Variants in FAM184A observed in about 807,000 individuals in gnomAD.
FAM184A encodes family with sequence similarity 184 member A.
In FAM184A, 99 loss-of-function variants were observed where a neutral mutation model predicts 143.8. The ratio of observed to expected loss-of-function variants is 0.69; its 90% CI spans 0.58 to 0.81. The LOEUF (loss-of-function observed/expected upper bound fraction) is 0.81, where lower values mean the gene tolerates loss of function less well. FAM184A is among the 40% of genes least tolerant of loss of function. FAM184A has a pLI of 0.00. For missense variants in FAM184A, 1,217 were observed against 1,310.5 expected, an observed-to-expected ratio of 0.93 and a Z score of 1.10; for synonymous variants, 427 against 446.4, an observed-to-expected ratio of 0.96 and a Z score of 0.55.
intron 1 of FAM184A, among the ~76,000 whole-genome samples, chr6:119,067,551 T>TA (rs1406079525): frequency 6.6e-6 from 1 of 152,246 alleles, no homozygotes; most frequent in African/African-American, 2.4e-5. Flanking sequence ...GTTATAGTGA[T>TA]ATTTGGCTGT....
At chr6:119,044,136 T>C (rs1786441119) in intron 1 of FAM184A, among the ~76,000 whole-genome samples, 1 of 152,210 alleles carries the variant, frequency 6.6e-6, no homozygotes, top group Non-Finnish European at 1.5e-5. Context: ...ATCACACTTT[T>C]ACCACTATTA....
intron 1 of FAM184A, among the ~76,000 whole-genome samples, chr6:119,046,120 G>C (rs1786522507): frequency 6.6e-6 from 1 of 152,040 alleles, no homozygotes; most frequent in African/African-American, 2.4e-5. Context: ...AACCTAATAA[G>C]AGGTTGGATA....
At chr6:118,975,693 A>G (rs1375961783) in intron 12 of FAM184A, among the ~76,000 whole-genome samples, 2 of 152,224 alleles carry the variant, frequency 1.3e-5, no homozygotes, top group African/African-American at 4.8e-5. Flanking sequence ...GTTATCTGAC[A>G]GTTAAGCTCC....
intron 5 of FAM184A, among the ~76,000 whole-genome samples, chr6:119,014,670 A>C (rs2797355): frequency 0.94 from 143,744 of 152,282 alleles, 67,961 homozygotes; most frequent in Non-Finnish European, 0.96. Flanking sequence ...TGTCTTAAAT[A>C]AATTCAATAA....
intron 9 of FAM184A, among the ~76,000 whole-genome samples, chr6:118,999,622 A>G (rs541831407): frequency 4.7e-4 from 71 of 152,258 alleles, no homozygotes; most frequent in African/African-American, 1.7e-3. Flanking sequence ...CCTCAATGAA[A>G]CCTTCCCCAA....
intron 1 of FAM184A, among the ~76,000 whole-genome samples, chr6:119,139,824 G>A (rs1333504415): frequency 6.6e-6 from 1 of 151,784 alleles, no homozygotes; most frequent in Non-Finnish European, 1.5e-5. Flanking sequence ...TTTTTCCTTC[G>A]AGCAAATGAC....
rs1239573053 is a variant in FAM184A at position 119,078,011 on chromosome 6, G to A, written c.159+130C>T. The A allele has an allele frequency of 2.7e-6, 3 of 1,094,752 alleles. No individual in the cohort carries two copies. Among genetic ancestry groups the A allele is most frequent in the Non-Finnish European group, 3.8e-6 (3 of 785,690 alleles). The allele number at this position is 1,094,752 out of a possible 1,614,324, so 67.8% of individuals were successfully genotyped here. On this transcript the variant is annotated intron_variant, in intron 1 of 17. Coordinates refer to ENST00000338891, the MANE Select transcript of FAM184A (RefSeq NM_024581.6). This position sits in a 1 kb window ranked among gnomAD's most constrained non-coding sequence, Gnocchi z 5.5. ...TTTGCAGGGTTTTGGAGGTGTCTCC[G>A]GCTGTTGCTTCGGCGGAGGAGTAGA... is the stretch of plus-strand genomic sequence containing the variant.
At chr6:119,060,279 T>C (rs1198208877) in intron 1 of FAM184A, among the ~76,000 whole-genome samples, 1 of 152,212 alleles carries the variant, frequency 6.6e-6, no homozygotes, top group Non-Finnish European at 1.5e-5. Flanking sequence ...ACAGGGATAC[T>C]GTTTTCTTGC....
chr6:118,973,854 T>G (rs1783769305), intron 14 of FAM184A, among the ~76,000 whole-genome samples: 1 of 152,180 alleles, frequency 6.6e-6, no homozygotes, highest in Admixed American at 6.5e-5. Context: ...ATTTGTAATG[T>G]TTTCCCCTTT....
At chr6:119,055,084 C>T (rs1462304503) in intron 1 of FAM184A, among the ~76,000 whole-genome samples, 1 of 152,156 alleles carries the variant, frequency 6.6e-6, no homozygotes, top group African/African-American at 2.4e-5. Context: ...TCAACTACTA[C>T]TCTACTTTCT....
In FAM184A at chr6:119,049,798, C is replaced by A. The variant is rs1257252076; in HGVS notation, c.160-24985G>T. ...GGCAAAGGTTCCATGACAAGGACACCAAAAACAATCACGACAAAAGCCAAA... is the reference window on the plus strand; with the variant it reads ...GGCAAAGGTTCCATGACAAGGACACAAAAAACAATCACGACAAAAGCCAAA... On this transcript the variant is annotated intron_variant, in intron 1 of 17. Transcript: ENST00000338891. 2.6e-5 allele frequency among the ~76,000 whole-genome samples: 4 copies of A among 152,114 alleles called. No individual in the cohort carries two copies. In the East Asian group the frequency reaches 7.7e-4, roughly 29 times the overall value.
intron 1 of FAM184A, among the ~76,000 whole-genome samples, chr6:119,089,834 G>A (rs999776435): frequency 7.2e-5 from 11 of 152,128 alleles, no homozygotes; most frequent in African/African-American, 2.7e-4. Flanking sequence ...TTCTTGCTAT[G>A]TGCTTCTTTC....
chr6:119,100,498 A>G lies in FAM184A; in HGVS notation c.-202+48580T>C, dbSNP rs992125433. 5.3e-5 allele frequency among the ~76,000 whole-genome samples: 8 copies of G among 152,124 alleles called. No individual in the cohort carries two copies. The East Asian group carries it at 1.5e-3, about 29-fold the overall frequency. ...TCAGGCAGAGGGATGCTTAAGGTGA[A>G]AAGTCATTGTCTACCTAAATACAGT... On this transcript the variant is annotated intron_variant, in intron 1 of 16. Transcript: ENST00000352896.
rs1316246055 is a variant in FAM184A at position 118,980,239 on chromosome 6, C to T, written c.2200G>A (p.Glu734Lys). 20 of 1,614,018 alleles carry T rather than the reference C, an allele frequency of 1.2e-5. No homozygotes were observed. Among genetic ancestry groups the T allele is most frequent in the Non-Finnish European group, 1.7e-5 (20 of 1,180,038 alleles). The change falls in exon 10 of 18, where the codon GAA becomes AAA. Residue 734 changes from glutamate (E) to lysine (K), a missense_variant. Transcript: ENST00000338891. ...TGCTGATGTTGCTCCTCTAATTCTT[C>T]AAGCTCTTGCGTAAGCCGCTGTCGT... Reference protein sequence around the residue: ...QERQRLTQELEELEEQHQQRH... With the variant: ...QERQRLTQELKELEEQHQQRH...
At chr6:119,026,297 A>G (rs760755606) in intron 1 of FAM184A, among the ~76,000 whole-genome samples, 4 of 152,158 alleles carry the variant, frequency 2.6e-5, no homozygotes, top group Non-Finnish European at 4.4e-5. Flanking sequence ...TATGTTCCCA[A>G]TAAGGTAACA....
chr6:119,069,467 C>G (rs1787600615), intron 1 of FAM184A, among the ~76,000 whole-genome samples: 1 of 152,204 alleles, frequency 6.6e-6, no homozygotes. Flanking sequence ...CCTGTGAACA[C>G]ATAGACACAC....
At chr6:118,999,039 G>T (rs957271147) in intron 9 of FAM184A, among the ~76,000 whole-genome samples, 3 of 152,210 alleles carry the variant, frequency 2.0e-5, no homozygotes, top group African/African-American at 7.2e-5. Flanking sequence ...TCAGATGGTG[G>T]TAGAGGTAGT....
intron 1 of FAM184A, among the ~76,000 whole-genome samples, chr6:119,072,318 C>T (rs75319513): frequency 3.3e-5 from 5 of 152,282 alleles, no homozygotes; most frequent in East Asian, 3.9e-4. Flanking sequence ...AGATTACATC[C>T]AAGCCACTGC....
At chr6:119,085,761 T>C (rs1788202256) in intron 1 of FAM184A, among the ~76,000 whole-genome samples, 1 of 152,204 alleles carries the variant, frequency 6.6e-6, no homozygotes, top group African/African-American at 2.4e-5. Context: ...TTCTGCAGGA[T>C]GCAGAGGACG....
Sources: gnomAD v4.1 joint callset for allele counts (sites outside exome capture counted in the v4.1 genomes callset) on GRCh38, gnomAD v4.1.1 for gene constraint, Gnocchi (gnomAD v3.1) non-coding constraint, MANE v1.5 for transcripts, NCBI Gene and HGNC (gene_info 2026-07-23, HGNC 2026-07-21) for gene names.